The following LITAF variants were observed in gnomAD, a reference collection of about 807,000 sequenced individuals.
The protein encoded by LITAF is lipopolysaccharide-induced tumor necrosis factor-alpha factor.
A neutral mutation model predicts 14.5 loss-of-function variants in LITAF; 9 were observed. The observed-to-expected ratio is 0.62, with a 90% CI of 0.37 to 1.08. The LOEUF is 1.08. LITAF is among the 50% of genes least tolerant of loss of function. The pLI, the probability that LITAF is intolerant of heterozygous loss-of-function variation, is 0.01. For missense variants in LITAF, 206 were observed against 213.4 expected (o/e 0.97, Z 0.22); for synonymous variants, 98 against 88.2 (o/e 1.11, Z -0.62).
intron 3 of LITAF, among the ~76,000 whole-genome samples, chr16:11,616,308 T>TA (rs976808654): frequency 6.6e-6 from 1 of 151,940 alleles, no homozygotes; most frequent in Non-Finnish European, 1.5e-5. Flanking sequence ...ACCCCATCTC[T>TA]AAAAAAATTT....
chr16:11,637,896 A>T (rs2065144328), upstream of LITAF, among the ~76,000 whole-genome samples: 4 of 82,180 alleles, frequency 4.9e-5, no homozygotes, highest in African/African-American at 3.3e-4. Context: ...AAAAAAAAAA[A>T]ACTATATATA....
intron 1 of LITAF, among the ~76,000 whole-genome samples, chr16:11,571,944 C>G (rs1269157917): frequency 6.6e-6 from 1 of 151,774 alleles, no homozygotes; most frequent in Non-Finnish European, 1.5e-5. Flanking sequence ...TTTTAATTAG[C>G]CAGGCGTGGT....
At chr16:11,616,911 CAA>C (rs766801773) in intron 3 of LITAF, among the ~76,000 whole-genome samples, 17 of 83,044 alleles carry the variant, frequency 2.0e-4, no homozygotes, top group Non-Finnish European at 2.4e-4. Context: ...GACTCTATCT[CAA>C]AAAAAAAAAA....
chr16:11,556,631 G>T lies in LITAF; in HGVS notation c.100C>A (p.Pro34Thr), dbSNP rs759905004. ...EETVAVNSYY[P>T]TPPAPMPGPT... ...CCAGGCATGGGAGCTGGAGGTGTGG[G>T]GTAATAACTGTTAACAGCCACTGTC... Residue 34 changes from proline to threonine, a missense_variant, in exon 2 of 4, where the codon CCC becomes ACC. By Grantham distance (38) the Pro-to-Thr change is conservative. Transcript: ENST00000622633. 7.4e-6 allele frequency: 12 copies of T among 1,614,190 alleles called. 1 individual carries two copies. Among genetic ancestry groups the T allele is most frequent in the Middle Eastern group, 3.3e-4 (2 of 6,060 alleles).
intron 1 of LITAF, among the ~76,000 whole-genome samples, chr16:11,569,291 AG>A: frequency 6.6e-6 from 1 of 152,236 alleles, no homozygotes; most frequent in South Asian, 2.1e-4. Flanking sequence ...CACAGGCTGG[AG>A]TACAGTGGCA....
upstream of LITAF, among the ~76,000 whole-genome samples, chr16:11,639,314 C>T (rs8061868): frequency 0.73 from 110,326 of 150,596 alleles, 40,511 homozygotes; most frequent in East Asian, 0.92. Context: ...GAGGGATAGA[C>T]GGGGCATGGA....
chr16:11,591,949 T>C (rs1263678570), upstream of LITAF, among the ~76,000 whole-genome samples: 1 of 152,176 alleles, frequency 6.6e-6, no homozygotes, highest in Non-Finnish European at 1.5e-5. Flanking sequence ...AAGAATGAAG[T>C]TGGATCTCTA....
chr16:11,590,052 GA>G (rs540715422), upstream of LITAF, among the ~76,000 whole-genome samples: 197 of 112,670 alleles, frequency 1.7e-3, 50 homozygotes, highest in Middle Eastern at 0.022. Flanking sequence ...AGCTACTCAA[GA>G]GGCTGAGGCA....
At chr16:11,583,433 T>TA (rs558333406) in intron 1 of LITAF, among the ~76,000 whole-genome samples, 2 of 152,188 alleles carry the variant, frequency 1.3e-5, no homozygotes, top group South Asian at 4.1e-4. Flanking sequence ...CATCAAACAG[T>TA]GCAAGGAGAT....
chr16:11,602,677 G>A (rs762104210), upstream of LITAF, among the ~76,000 whole-genome samples: 9 of 150,536 alleles, frequency 6.0e-5, no homozygotes, highest in Non-Finnish European at 8.8e-5. Context: ...CACAAGTATG[G>A]TTGAGTTACA....
chr16:11,587,154 C>G (rs1170732178), upstream of LITAF: 1 of 321,852 alleles, frequency 3.1e-6, no homozygotes, highest in Non-Finnish European at 6.2e-6. Flanking sequence ...GGCTTACCCC[C>G]GAGACGCCTG....
intron 1 of LITAF, among the ~76,000 whole-genome samples, chr16:11,595,321 G>T (rs914214857): frequency 6.6e-6 from 1 of 152,222 alleles, no homozygotes; most frequent in Non-Finnish European, 1.5e-5. Flanking sequence ...CAGTGGCCTG[G>T]CCCTGACCCT....
chr16:11,631,761 T>A (rs1422320924), intron 3 of LITAF, among the ~76,000 whole-genome samples: 2 of 152,178 alleles, frequency 1.3e-5, no homozygotes, highest in East Asian at 3.9e-4. Context: ...ACACCCGTCA[T>A]TGGGTTTAGA....
rs757892136 is a variant in LITAF at position 11,553,486 on chromosome 16, A to G, written c.377+47T>C. On this transcript the variant is annotated intron_variant, in intron 3 of 3. Transcript: ENST00000622633. The surrounding 1 kb of genome is among the most constrained non-coding windows in gnomAD (Gnocchi z 7.7). ...TGAGAACCCACCCCCGCCAGCACCC[A>G]GAGAGAAGGGCAGGATGGCTTGGGG... The G allele has an allele frequency of 6.2e-7, 1 of 1,606,586 alleles. No homozygotes were observed.
chr16:11,636,693 A>G (rs1353891338), upstream of LITAF, among the ~76,000 whole-genome samples: 1 of 152,056 alleles, frequency 6.6e-6, no homozygotes, highest in East Asian at 1.9e-4. Flanking sequence ...GCCTTTTCCT[A>G]TTGGCACAGC....
intron 3 of LITAF, among the ~76,000 whole-genome samples, chr16:11,603,903 C>T (rs2064941155): frequency 6.6e-6 from 1 of 152,012 alleles, no homozygotes; most frequent in African/African-American, 2.4e-5. Flanking sequence ...AAAAATTACC[C>T]AGGCGTGGTG....
chr16:11,551,880 T>TA (rs35045596), intron 3 of LITAF: 3 of 465,322 alleles, frequency 6.4e-6, no homozygotes, highest in South Asian at 3.7e-5. Flanking sequence ...ATTCCAAAGA[T>TA]AAAAAATTTG....
upstream of LITAF, among the ~76,000 whole-genome samples, chr16:11,601,332 C>T (rs2064925096): frequency 1.4e-5 from 2 of 147,390 alleles, no homozygotes; most frequent in East Asian, 2.1e-4. Flanking sequence ...CCACCCTGAA[C>T]ACCTTCATGG....
At chr16:11,583,299 A>G (rs2064766159) in intron 1 of LITAF, among the ~76,000 whole-genome samples, 1 of 152,192 alleles carries the variant, frequency 6.6e-6, no homozygotes, top group African/African-American at 2.4e-5. Context: ...AATCACAGTG[A>G]TTTGTGGAAT....
Sources: allele counts gnomAD v4.1 joint callset (sites outside exome capture counted in the v4.1 genomes callset), GRCh38; gene constraint gnomAD v4.1.1; non-coding constraint Gnocchi (gnomAD v3.1); transcripts MANE v1.5; gene names NCBI Gene and HGNC (gene_info 2026-07-23, HGNC 2026-07-21).